Variants in PJA2 observed in about 807,000 individuals in gnomAD.
The protein encoded by PJA2 is E3 ubiquitin-protein ligase Praja-2.
Under a neutral mutation model 69.3 loss-of-function variants are expected in PJA2, and 25 were observed. The ratio of observed to expected loss-of-function variants is 0.36; its 90% CI spans 0.26 to 0.50. The LOEUF (loss-of-function observed/expected upper bound fraction) is 0.50. Among genes scored for constraint, PJA2 ranks in the 20% least tolerant of loss-of-function variants. The probability of loss-of-function intolerance (pLI) is 0.96; values close to 1 mark genes in which losing one functional copy is unlikely to be tolerated. For missense variants in PJA2, 809 were observed against 830.2 expected (o/e 0.97, Z 0.31); for synonymous variants, 308 against 277.8 (o/e 1.11, Z -1.08).
At chr5:109,358,196 G>C (rs1036298016) in intron 6 of PJA2, among the ~76,000 whole-genome samples, 1 of 152,166 alleles carries the variant, frequency 6.6e-6, no homozygotes, top group Non-Finnish European at 1.5e-5. Context: ...CAGGAATGAG[G>C]GCAAGGAACA....
chr5:109,339,378 G>T (rs942817684), intron 9 of PJA2, among the ~76,000 whole-genome samples: 2 of 152,104 alleles, frequency 1.3e-5, no homozygotes, highest in African/African-American at 4.8e-5. Flanking sequence ...TAAAAGCCCT[G>T]ACTTGACCAC....
intron 1 of PJA2, among the ~76,000 whole-genome samples, chr5:109,392,422 A>G (rs1053318769): frequency 6.6e-6 from 1 of 151,958 alleles, no homozygotes; most frequent in Admixed American, 6.6e-5. Context: ...TTTGCCGCGC[A>G]TGGTGGTGCA....
At chr5:109,351,862 T>C (rs1762258686) in intron 7 of PJA2, among the ~76,000 whole-genome samples, 1 of 152,108 alleles carries the variant, frequency 6.6e-6, no homozygotes, top group Non-Finnish European at 1.5e-5. Context: ...AGAGTGTTAG[T>C]GTTAAATATA....
intron 9 of PJA2, among the ~76,000 whole-genome samples, chr5:109,341,252 C>T (rs1461481984): frequency 1.4e-5 from 2 of 142,906 alleles, no homozygotes; most frequent in South Asian, 2.3e-4. Context: ...TCTGCCCGGC[C>T]GCCCATCCTC....
intron 5 of PJA2, among the ~76,000 whole-genome samples, chr5:109,367,639 CA>C (rs1418868218): frequency 4.0e-5 from 6 of 151,892 alleles, no homozygotes; most frequent in Non-Finnish European, 8.8e-5. Context: ...GATATTGAAA[CA>C]AAAAACTAAA....
At chr5:109,355,841 C>A in intron 7 of PJA2, 74 bp downstream of exon 7, 1 of 1,049,470 alleles carries the variant, frequency 9.5e-7, no homozygotes, top group Admixed American at 2.2e-5. Context: ...TAAGAGTAGT[C>A]TAAAAATCCC....
intron 9 of PJA2, among the ~76,000 whole-genome samples, chr5:109,337,573 A>T (rs1761970207): frequency 6.6e-6 from 1 of 152,108 alleles, no homozygotes; most frequent in Non-Finnish European, 1.5e-5. Context: ...GATGTCTCTT[A>T]TTCATGTTCG....
chr5:109,360,340 T>G (rs551552319), intron 6 of PJA2, among the ~76,000 whole-genome samples: 1 of 152,324 alleles, frequency 6.6e-6, no homozygotes, highest in South Asian at 2.1e-4. Context: ...CTTGAGTATT[T>G]TGAACACTAA....
chr5:109,361,603 GT>G (rs1479225956), intron 6 of PJA2, among the ~76,000 whole-genome samples: 1 of 152,210 alleles, frequency 6.6e-6, no homozygotes, highest in Non-Finnish European at 1.5e-5. Context: ...CAGTAAAAAG[GT>G]AATGGGGAGA....
At chr5:109,345,513 CAA>C (rs531364060) in intron 7 of PJA2, among the ~76,000 whole-genome samples, 43 of 91,808 alleles carry the variant, frequency 4.7e-4, no homozygotes, top group African/African-American at 9.2e-4. Context: ...GACTCTGTCT[CAA>C]AAAAAAAAAA....
At chr5:109,399,736 G>A (rs541729152) in intron 1 of PJA2, among the ~76,000 whole-genome samples, 1 of 151,810 alleles carries the variant, frequency 6.6e-6, no homozygotes, top group African/African-American at 2.4e-5. Flanking sequence ...AAGCTGAGGA[G>A]GAAAAAACCC....
intron 3 of PJA2, among the ~76,000 whole-genome samples, chr5:109,379,923 T>C (rs62375644): frequency 0.031 from 4,713 of 152,198 alleles, 83 homozygotes; most frequent in Non-Finnish European, 0.036. Context: ...AGTAAAATCA[T>C]ATCTATAAAT....
chr5:109,378,975 T>A lies in PJA2; in HGVS notation c.512A>T (p.Asp171Val). 3.1e-6 allele frequency: 5 copies of A among 1,614,188 alleles called. No homozygotes were observed. The highest frequency in any genetic ancestry group is 4.2e-6 in the Non-Finnish European group (5 of 1,180,024). ...ALVHTDSYDP[D>V]GKHGEDNDHL... is the part of the protein sequence containing the mutation. The stretch of plus-strand genomic sequence containing the variant: ...GTCATTATCTTCTCCATGTTTGCCA[T>A]CTGGATCATAAGAGTCTGTATGAAC... Residue 171 changes from aspartate to valine, a missense_variant, in exon 4 of 10, where the codon GAT becomes GTT. Around this residue, in one of 4 missense-constraint regions of PJA2, gnomAD observed 700 missense variants for 639.5 expected, o/e 1.09. Coordinates refer to ENST00000361189, the MANE Select transcript of PJA2 (RefSeq NM_014819.5).
intron 7 of PJA2, 90 bp downstream of exon 7, chr5:109,355,825 T>A: frequency 1.2e-6 from 1 of 851,800 alleles, no homozygotes; most frequent in South Asian, 1.9e-5. Flanking sequence ...AAGATTCACC[T>A]TTTCTTAAGA....
chr5:109,337,316 G>T lies in PJA2; in HGVS notation c.2042C>A (p.Ala681Glu). ...CPVCRRHFPP[A>E]VIEASAAPSS... is the part of the protein sequence containing the mutation. ...AGGAGCTGCAGATGCTTCAATAACC[G>T]CAGGTGGGAAATGACGGCGGCACAC... The change falls in exon 10 of 10, where the codon GCG (alanine) becomes GAG (glutamate). Residue 681 changes from alanine to glutamate, a missense_variant. By Grantham distance (107) the Ala-to-Glu change is moderately radical. Transcript: ENST00000361189. 2 of 1,612,880 alleles carry T rather than the reference G, an allele frequency of 1.2e-6. No homozygotes were observed. Among genetic ancestry groups the T allele is most frequent in the Non-Finnish European group, 1.7e-6 (2 of 1,179,588 alleles).
chr5:109,357,173 T>C (rs1475960261), intron 6 of PJA2, among the ~76,000 whole-genome samples: 2 of 152,284 alleles, frequency 1.3e-5, no homozygotes, highest in East Asian at 1.9e-4. Flanking sequence ...CCTGAGTAGA[T>C]GTACTCCTAC....
chr5:109,343,297 G>GA (rs1762113424), intron 9 of PJA2, among the ~76,000 whole-genome samples: 1 of 22,426 alleles, frequency 4.5e-5, no homozygotes, highest in Non-Finnish European at 8.0e-5. Flanking sequence ...AAAAAAGAAA[G>GA]AAAGAAAGAA....
intron 9 of PJA2, among the ~76,000 whole-genome samples, chr5:109,340,637 C>T (rs534801067): frequency 0.37 from 1,199 of 3,234 alleles, 437 homozygotes; most frequent in African/African-American, 0.58. Flanking sequence ...TCCCCCTCCC[C>T]CTCCCCCTCC....
Position 109,351,694 on chromosome 5 carries a change from G to C in PJA2, c.1764+4221C>G, listed in dbSNP as rs552137068. Among the ~76,000 whole-genome samples, 19 of 151,962 alleles carry C rather than the reference G, an allele frequency of 1.3e-4. No individual in the cohort carries two copies. In the South Asian group the frequency reaches 3.1e-3, roughly 25 times the overall value. On this transcript the variant is annotated intron_variant, in intron 7 of 9. Transcript: ENST00000361189. The stretch of plus-strand genomic sequence containing the variant: ...AGATATAAGGAGACAAATACATACT[G>C]CCAGTATTTTCACCAAAAGCCACTA...
Sources: gnomAD v4.1 joint callset for allele counts (sites outside exome capture counted in the v4.1 genomes callset) on GRCh38, gnomAD v4.1.1 for gene constraint, gnomAD v4.1.1 regional missense constraint, MANE v1.5 for transcripts, NCBI Gene and HGNC (gene_info 2026-07-23, HGNC 2026-07-21) for gene names.